The following PDE6A variants were observed in gnomAD, a reference collection of about 807,000 sequenced individuals.
The protein encoded by PDE6A is rod cGMP-specific 3',5'-cyclic phosphodiesterase subunit alpha.
A neutral mutation model predicts 106.3 loss-of-function variants in PDE6A; 84 were observed. That is an observed-to-expected ratio of 0.79 (90% CI 0.66 to 0.95). The LOEUF (loss-of-function observed/expected upper bound fraction) is 0.95, where lower values mean the gene tolerates loss of function less well. Among genes scored for constraint, PDE6A ranks in the 40% least tolerant of loss-of-function variants. The probability of loss-of-function intolerance (pLI) is 0.00; values close to 1 mark genes in which losing one functional copy is unlikely to be tolerated. For missense variants in PDE6A, 1,052 were observed against 1,084.9 expected (o/e 0.97, Z 0.43); for synonymous variants, 394 against 386.6 (o/e 1.02, Z -0.23).
chr5:149,940,495 T>C (rs1386515477), intron 1 of PDE6A, among the ~76,000 whole-genome samples: 2 of 151,514 alleles, frequency 1.3e-5, no homozygotes, highest in Non-Finnish European at 2.9e-5. Context: ...AAAAGATACC[T>C]GTTTGAATCC....
intron 1 of PDE6A, among the ~76,000 whole-genome samples, chr5:149,942,570 G>A (rs1045499333): frequency 1.3e-5 from 2 of 152,082 alleles, no homozygotes; most frequent in Non-Finnish European, 2.9e-5. Flanking sequence ...ACAAAGTCTA[G>A]AGAAAGAGCA....
At chr5:149,864,033 C>T (rs1205518195) in intron 20 of PDE6A, among the ~76,000 whole-genome samples, 2 of 152,096 alleles carry the variant, frequency 1.3e-5, no homozygotes, top group Non-Finnish European at 2.9e-5. Context: ...AGTGGAGTCC[C>T]CCATTGGAAG....
intron 2 of PDE6A, 85 bp from the exon 3 acceptor site, chr5:149,934,104 T>C: frequency 1.3e-6 from 1 of 790,134 alleles, no homozygotes; most frequent in Non-Finnish European, 2.2e-6. Context: ...AATATCTGAA[T>C]ATTTTCAAAG....
chr5:149,887,402 G>A (rs1346819056), intron 13 of PDE6A, among the ~76,000 whole-genome samples: 1 of 152,168 alleles, frequency 6.6e-6, no homozygotes, highest in African/African-American at 2.4e-5. Context: ...GGCATGGCAG[G>A]TCACACATGG....
intron 4 of PDE6A, among the ~76,000 whole-genome samples, chr5:149,929,609 A>AAAATAAAAAAATAAAAAAAT (rs1554092090): frequency 3.2e-4 from 46 of 145,392 alleles, no homozygotes; most frequent in Middle Eastern, 7.1e-3. Flanking sequence ...TCCGTCTCAA[A>AAAATAAAAAAATAAAAAAAT]AAATAAATAA....
chr5:149,896,603 C>A, intron 11 of PDE6A, 101 bp from the exon 12 acceptor site: 1 of 1,613,718 alleles, frequency 6.2e-7, no homozygotes, highest in Non-Finnish European at 8.5e-7. Flanking sequence ...CTGGAAGGAT[C>A]AGAACAGAGT....
intron 21 of PDE6A, 150 bp from the exon 22 acceptor site, chr5:149,861,121 G>T: frequency 1.4e-6 from 1 of 701,098 alleles, no homozygotes. Context: ...CAGGTGTGAG[G>T]AGAATCACGG....
intron 5 of PDE6A, among the ~76,000 whole-genome samples, chr5:149,916,275 G>A (rs1230073966): frequency 3.9e-5 from 6 of 152,170 alleles, no homozygotes; most frequent in Non-Finnish European, 8.8e-5. Context: ...TCGTCTCTGC[G>A]TTTTAATTTT....
At chr5:149,899,553 C>T (rs1221734723) in intron 8 of PDE6A, 29 bp from the exon 9 acceptor site, 2 of 1,612,800 alleles carry the variant, frequency 1.2e-6, no homozygotes, top group Non-Finnish European at 1.7e-6. Context: ...ATTAGGTTTC[C>T]TCTTGTTTCA....
intron 1 of PDE6A, among the ~76,000 whole-genome samples, chr5:149,937,656 G>C (rs1056877842): frequency 6.6e-6 from 1 of 152,178 alleles, no homozygotes; most frequent in Non-Finnish European, 1.5e-5. Context: ...GGGGTTACAG[G>C]TGTCAGCCTG....
chr5:149,938,740 T>TA (rs1259550922), intron 1 of PDE6A, among the ~76,000 whole-genome samples: 1 of 152,206 alleles, frequency 6.6e-6, no homozygotes, highest in African/African-American at 2.4e-5. Flanking sequence ...ATTCTTTGTT[T>TA]ATCTAAAATT....
chr5:149,884,807 C>G lies in PDE6A; in HGVS notation c.1899G>C (p.Glu633Asp). 1.2e-6 allele frequency: 2 copies of G among 1,614,180 alleles called. No homozygotes were observed. Among genetic ancestry groups the G allele is most frequent in the Non-Finnish European group, 1.7e-6 (2 of 1,180,000 alleles). ...CGTCTCTGAGCAGTGTTTTGCCAAA[C>G]TCCAAGTGGTGTCTTTCCAAGATAG... ...GSSILERHHL[E>D]FGKTLLRDES... The change falls in exon 15 of 22, where the codon GAG becomes GAC. Residue 633 changes from glutamate (E) to aspartate (D), a missense_variant. Transcript: ENST00000255266.
intron 17 of PDE6A, among the ~76,000 whole-genome samples, chr5:149,881,575 A>G (rs967723710): frequency 6.6e-6 from 1 of 152,166 alleles, no homozygotes; most frequent in Non-Finnish European, 1.5e-5. Context: ...GATGTCAACA[A>G]TAGATACTGG....
chr5:149,886,240 G>T, intron 14 of PDE6A, 25 bp downstream of exon 14: 3 of 1,494,158 alleles, frequency 2.0e-6, no homozygotes, highest in South Asian at 1.1e-5. Context: ...CGGAGGGTTG[G>T]GTGTGGGGAG....
rs774724169 is a variant in PDE6A, at chr5:149,867,729, G to A, written c.2270C>T (p.Pro757Leu). 2 of 1,613,770 alleles carry A rather than the reference G, an allele frequency of 1.2e-6. No individual in the cohort carries two copies. Among genetic ancestry groups the A allele is most frequent in the Non-Finnish European group, 1.7e-6 (2 of 1,179,870 alleles). ...DLERTVLQQNPIPMMDRNKAD... is the reference protein window; with the variant it reads ...DLERTVLQQNLIPMMDRNKAD... Reference sequence around the variant, plus strand: ...TGACATCCCCTGTCTACTCACAATGGGATTCTGTTGCAGCACCGTGCGCTC... The same window carrying A: ...TGACATCCCCTGTCTACTCACAATGAGATTCTGTTGCAGCACCGTGCGCTC... The change falls in exon 19 of 22, where the codon CCC becomes CTC. Residue 757 changes from proline to leucine, a missense_variant. Coordinates refer to ENST00000255266, the MANE Select transcript of PDE6A (RefSeq NM_000440.3).
At chr5:149,878,739 A>T (rs745665639) in intron 17 of PDE6A, among the ~76,000 whole-genome samples, 41 of 152,308 alleles carry the variant, frequency 2.7e-4, no homozygotes, top group Middle Eastern at 6.8e-3. Context: ...TTGTAGTTTT[A>T]TAATCACCGT....
At position 149,884,469 on chromosome 5, in the gene PDE6A, A is replaced by G. The variant is rs374285532; in HGVS notation, c.2027+10T>C. The G allele has an allele frequency of 6.4e-7, 1 of 1,569,444 alleles. No homozygotes were observed. The highest frequency in any genetic ancestry group is 8.8e-7 in the Non-Finnish European group (1 of 1,139,552). The stretch of plus-strand genomic sequence containing the variant: ...TTGCTTTTACTATTAGAATGAGAAG[A>G]TATACCAACTTGAAATACAGGGCGA... On this transcript the variant is annotated intron_variant, in intron 16 of 21. Transcript: ENST00000255266.
chr5:149,868,521 A>G (rs1760418087), intron 17 of PDE6A, among the ~76,000 whole-genome samples: 1 of 152,248 alleles, frequency 6.6e-6, no homozygotes, highest in African/African-American at 2.4e-5. Context: ...AGGAACATGT[A>G]CTGGGTTTTC....
At chr5:149,884,378 G>A (rs957095967) in intron 16 of PDE6A, 101 bp downstream of exon 16, 12 of 737,484 alleles carry the variant, frequency 1.6e-5, no homozygotes, top group Non-Finnish European at 2.7e-5. Context: ...ATATATGTGT[G>A]TATATATATG....
Sources: gnomAD v4.1 joint callset for allele counts (sites outside exome capture counted in the v4.1 genomes callset) on GRCh38, gnomAD v4.1.1 for gene constraint, MANE v1.5 for transcripts, NCBI Gene and HGNC (gene_info 2026-07-23, HGNC 2026-07-21) for gene names.